CPNE4: variants seen among roughly 807,000 people sequenced by gnomAD.
The protein encoded by CPNE4 is copine 4, also known as copine-4.
A neutral mutation model predicts 67.9 loss-of-function variants in CPNE4; 25 were observed. That is an observed-to-expected ratio of 0.37 (90% CI 0.27 to 0.51). The LOEUF (loss-of-function observed/expected upper bound fraction) is 0.51, where lower values mean the gene tolerates loss of function less well. CPNE4 is among the 20% of genes least tolerant of loss of function. The pLI is 0.93. For missense variants in CPNE4, 464 were observed against 690.8 expected, an observed-to-expected ratio of 0.67 and a Z score of 3.68; for synonymous variants, 242 against 244.9, an observed-to-expected ratio of 0.99 and a Z score of 0.11.
chr3:131,781,108 G>T (rs898989960), intron 2 of CPNE4, among the ~76,000 whole-genome samples: 1 of 151,876 alleles, frequency 6.6e-6, no homozygotes, highest in Non-Finnish European at 1.5e-5. Flanking sequence ...AAAAATTCCC[G>T]CAAATCAATT....
At chr3:131,937,834 A>G (rs1004938821) in intron 1 of CPNE4, among the ~76,000 whole-genome samples, 8 of 152,246 alleles carry the variant, frequency 5.3e-5, no homozygotes, top group Non-Finnish European at 1.0e-4. Flanking sequence ...TAACAACACA[A>G]AGTTAACCAA....
intron 1 of CPNE4, among the ~76,000 whole-genome samples, chr3:131,995,041 G>T (rs1201957952): frequency 1.3e-5 from 2 of 152,090 alleles, no homozygotes; most frequent in Non-Finnish European, 1.5e-5. Context: ...TTTCTGTAGA[G>T]AGGGGATCTT....
At chr3:131,576,578 T>C (rs1299289858) in intron 9 of CPNE4, among the ~76,000 whole-genome samples, 1 of 152,126 alleles carries the variant, frequency 6.6e-6, no homozygotes, top group Non-Finnish European at 1.5e-5. Flanking sequence ...CAGATGTCTG[T>C]ATCTGTAAGA....
intron 7 of CPNE4, among the ~76,000 whole-genome samples, chr3:131,634,760 A>C (rs925067235): frequency 6.6e-6 from 1 of 152,164 alleles, no homozygotes; most frequent in Non-Finnish European, 1.5e-5. Flanking sequence ...AAGCTTAAAA[A>C]ATTTTTAGTT....
intron 7 of CPNE4, among the ~76,000 whole-genome samples, chr3:131,643,836 C>T (rs368861554): frequency 6.6e-6 from 1 of 152,096 alleles, no homozygotes; most frequent in Non-Finnish European, 1.5e-5. Context: ...GGCACTTCTC[C>T]TTGCTGCCGC....
intron 2 of CPNE4, among the ~76,000 whole-genome samples, chr3:131,820,437 G>A (rs981611824): frequency 1.3e-5 from 2 of 152,216 alleles, no homozygotes; most frequent in African/African-American, 4.8e-5. Flanking sequence ...CATGATCGTT[G>A]GTGAGGGGGC....
intron 2 of CPNE4, among the ~76,000 whole-genome samples, chr3:131,807,416 T>C (rs1454555859): frequency 1.3e-5 from 2 of 152,204 alleles, no homozygotes; most frequent in Non-Finnish European, 2.9e-5. Context: ...GGTCATTATA[T>C]ACAGATCTAC....
intron 1 of CPNE4, among the ~76,000 whole-genome samples, chr3:131,974,806 G>A (rs2072602048): frequency 6.6e-6 from 1 of 152,112 alleles, no homozygotes; most frequent in Non-Finnish European, 1.5e-5. Context: ...TCAGGAGTTC[G>A]AGACCAGCCT....
intron 6 of CPNE4, among the ~76,000 whole-genome samples, chr3:131,678,121 T>C (rs138860078): frequency 1.2e-3 from 188 of 152,324 alleles, no homozygotes; most frequent in African/African-American, 4.1e-3. Context: ...TAGTGGTTTG[T>C]AGTTCTCTTG....
At chr3:131,662,938 T>C (rs1255659455) in intron 7 of CPNE4, among the ~76,000 whole-genome samples, 1 of 152,174 alleles carries the variant, frequency 6.6e-6, no homozygotes, top group Non-Finnish European at 1.5e-5. Context: ...GAAATACCAT[T>C]TGACCCAGCA....
intron 2 of CPNE4, among the ~76,000 whole-genome samples, chr3:131,901,313 G>A (rs2088544057): frequency 6.6e-6 from 1 of 152,076 alleles, no homozygotes; most frequent in Non-Finnish European, 1.5e-5. Flanking sequence ...AAGATGGAAA[G>A]CATTCTAAAT....
intron 1 of CPNE4, among the ~76,000 whole-genome samples, chr3:131,923,649 G>A (rs2070804196): frequency 7.5e-6 from 1 of 133,166 alleles, no homozygotes; most frequent in African/African-American, 2.8e-5. Flanking sequence ...AGGCTGCAGT[G>A]AGCCGAGATT....
chr3:132,014,074 T>A (rs2073835086), intron 1 of CPNE4, among the ~76,000 whole-genome samples: 1 of 152,152 alleles, frequency 6.6e-6, no homozygotes, highest in Admixed American at 6.5e-5. Context: ...CACTCTCCCA[T>A]GATGTAGAGA....
Position 131,676,116 on chromosome 3 carries a change from T to C in CPNE4, c.592-6352A>G, listed in dbSNP as rs186363185. On this transcript the variant is annotated intron_variant, in intron 6 of 15. Transcript: ENST00000429747. Reference sequence around the variant, plus strand: ...TGTTGTCCAGGCTGGAATGCAGTGGTACAACCTTAGCTCACTGCAACCTCC... The same window carrying C: ...TGTTGTCCAGGCTGGAATGCAGTGGCACAACCTTAGCTCACTGCAACCTCC... Among the ~76,000 whole-genome samples the C allele has an allele frequency of 3.3e-5, 5 of 151,062 alleles. No homozygotes were observed. In the East Asian group the frequency reaches 9.7e-4, roughly 29 times the overall value.
At chr3:131,555,646 A>T in intron 11 of CPNE4, 95 bp from the exon 12 acceptor site, 1 of 1,066,010 alleles carries the variant, frequency 9.4e-7, no homozygotes, top group Non-Finnish European at 1.4e-6. Flanking sequence ...CTAGGTTGCT[A>T]GGCCATGTTG....
intron 2 of CPNE4, among the ~76,000 whole-genome samples, chr3:131,757,085 A>G (rs932051960): frequency 2.6e-5 from 4 of 152,206 alleles, no homozygotes; most frequent in Non-Finnish European, 4.4e-5. Context: ...CAGCATGACA[A>G]TGGACTAATA....
intron 2 of CPNE4, among the ~76,000 whole-genome samples, chr3:131,814,570 C>A (rs1404378224): frequency 1.0e-5 from 1 of 97,452 alleles, no homozygotes; most frequent in Admixed American, 1.1e-4. Flanking sequence ...TATTGAAATG[C>A]AATTTTTTTT....
chr3:131,647,271 G>A (rs2202198), intron 7 of CPNE4, among the ~76,000 whole-genome samples: 2 of 152,044 alleles, frequency 1.3e-5, no homozygotes, highest in Non-Finnish European at 1.5e-5. Context: ...ACCTGGAGAC[G>A]CTGTGAGCCA....
intron 2 of CPNE4, among the ~76,000 whole-genome samples, chr3:131,874,640 A>C (rs1364319318): frequency 6.6e-6 from 1 of 152,206 alleles, no homozygotes; most frequent in Non-Finnish European, 1.5e-5. Flanking sequence ...TCTGCAGATA[A>C]ATTGGGCTGA....
Sources: allele counts gnomAD v4.1 joint callset (sites outside exome capture counted in the v4.1 genomes callset), GRCh38; gene constraint gnomAD v4.1.1; transcripts MANE v1.5; gene names NCBI Gene and HGNC (gene_info 2026-07-23, HGNC 2026-07-21).